UBR4: variants seen among roughly 807,000 people sequenced by gnomAD.
UBR4 encodes the protein ubiquitin protein ligase E3 component n-recognin 4.
In UBR4, 124 loss-of-function variants were observed where a neutral mutation model predicts 575.6. That is an observed-to-expected ratio of 0.22 (90% CI 0.19 to 0.25). The LOEUF (loss-of-function observed/expected upper bound fraction) is 0.25. Among genes scored for constraint, UBR4 ranks in the 10% least tolerant of loss-of-function variants. The pLI, the probability that UBR4 is intolerant of heterozygous loss-of-function variation, is 1.00. For missense variants in UBR4, 4,818 were observed against 6,478.8 expected, an observed-to-expected ratio of 0.74 and a Z score of 8.80; for synonymous variants, 2,455 against 2,473.7, an observed-to-expected ratio of 0.99 and a Z score of 0.22.
At chr1:19,114,765 C>T in intron 75 of UBR4, 46 bp downstream of exon 75, 1 of 1,608,920 alleles carries the variant, frequency 6.2e-7, no homozygotes, top group Non-Finnish European at 8.5e-7. Flanking sequence ...TGCCCAAAGT[C>T]CAGATCAAGG....
Position 19,184,113 on chromosome 1 carries a change from GT to G in UBR4, c.2000del (p.Asn667ThrfsTer8). ...CACTCAGATAGTTTCGGATAAAATT[GT>G]TCCGAGAGTTCAGCATGGAAGAGGT... Reference protein sequence around the residue: ...FITSSMLNSRNNFIRNYLSVS... With the variant: ...FITSSMLNSRXNFIRNYLSVS... On this transcript the variant is annotated frameshift_variant, in exon 16 of 106. Coordinates refer to ENST00000375254, the MANE Select transcript of UBR4 (RefSeq NM_020765.3). LOFTEE classifies it high-confidence loss of function. 6.2e-7 allele frequency: 1 copy of G among 1,614,192 alleles called. No homozygotes were observed. The highest frequency in any genetic ancestry group is 8.5e-7 in the Non-Finnish European group (1 of 1,180,042).
Position 19,077,757 on chromosome 1 carries a change from CAAACA to C in UBR4, c.15324+214_15324+218del, listed in dbSNP as rs905385465. ...TCAAAAAAACCAAACCAAACCAAAC[CAAACA>C]AAACCAAACAAAACAAATGTACCTC... On this transcript the variant is annotated intron_variant, in intron 104 of 105. Coordinates refer to ENST00000375254, the MANE Select transcript of UBR4 (RefSeq NM_020765.3). 17 of 1,465,406 alleles carry C rather than the reference CAAACA, an allele frequency of 1.2e-5. No individual in the cohort carries two copies. In the African/African-American group the frequency reaches 2.2e-4, roughly 19 times the overall value. The allele number at this position is 1,465,406 out of a possible 1,614,324, so 90.8% of individuals were successfully genotyped here.
At chr1:19,099,571 C>T (rs1334698225) in intron 90 of UBR4, 26 bp downstream of exon 90, 2 of 1,606,460 alleles carry the variant, frequency 1.2e-6, no homozygotes, top group Admixed American at 3.4e-5. Context: ...GAAACCACAC[C>T]TCCAAACGAG....
At chr1:19,082,526 A>G (rs140842117) in intron 102 of UBR4, among the ~76,000 whole-genome samples, 56 of 152,322 alleles carry the variant, frequency 3.7e-4, no homozygotes, top group Non-Finnish European at 6.8e-4. Flanking sequence ...GCTTCTGGGT[A>G]CACTCTCTCC....
At chr1:19,161,421 A>G (rs1361004528) in intron 37 of UBR4, among the ~76,000 whole-genome samples, 168 bp downstream of exon 37, 1 of 152,232 alleles carries the variant, frequency 6.6e-6, no homozygotes, top group Non-Finnish European at 1.5e-5. Context: ...TGGTTCTGAT[A>G]TTCTAAATGA....
chr1:19,113,348 C>T, intron 77 of UBR4: 1 of 310,346 alleles, frequency 3.2e-6, no homozygotes, highest in South Asian at 4.7e-5. Flanking sequence ...AGCCTGCAAA[C>T]ACGGCGTTAT....
intron 1 of UBR4, 55 bp from the exon 2 acceptor site, chr1:19,201,870 G>A (rs1332920529): frequency 6.8e-7 from 1 of 1,467,058 alleles, no homozygotes; most frequent in Non-Finnish European, 9.5e-7. Flanking sequence ...CTATGTGCCA[G>A]ATACCCCTTT....
chr1:19,201,505 C>A (rs759956445), intron 2 of UBR4, among the ~76,000 whole-genome samples: 6 of 152,170 alleles, frequency 3.9e-5, no homozygotes, highest in Non-Finnish European at 7.4e-5. Context: ...GGTGTCCAAG[C>A]CAAGTAGTTT....
At chr1:19,092,343 A>C (rs1216099927) in intron 97 of UBR4, among the ~76,000 whole-genome samples, 1 of 152,170 alleles carries the variant, frequency 6.6e-6, no homozygotes, top group Non-Finnish European at 1.5e-5. Flanking sequence ...ATTTAAAAAA[A>C]AAACCCAGCC....
In UBR4 at chr1:19,143,844, A is replaced by G. The variant is rs1432466997; in HGVS notation, c.8179+136T>C. ...ACCTAAATTCTTTATGGGGTGAGGTAGGATTAGAAAAAAGACAGATACATA... is the reference window on the plus strand; with the variant it reads ...ACCTAAATTCTTTATGGGGTGAGGTGGGATTAGAAAAAAGACAGATACATA... On this transcript the variant is annotated intron_variant, in intron 55 of 105. Transcript: ENST00000375254. The G allele has an allele frequency of 1.6e-5, 10 of 640,558 alleles. No homozygotes were observed. In the Admixed American group the frequency reaches 2.8e-4, roughly 18 times the overall value. The allele number at this position is 640,558 out of a possible 1,614,324, so 39.7% of individuals were successfully genotyped here.
At chr1:19,168,769 C>T (rs1011917610) in intron 27 of UBR4, among the ~76,000 whole-genome samples, 14 of 151,950 alleles carry the variant, frequency 9.2e-5, no homozygotes, top group Admixed American at 3.3e-4. Context: ...GGAGGTCAGG[C>T]GATCGAGACC....
Position 19,112,524 on chromosome 1 carries a change from C to A in UBR4, c.11801G>T (p.Arg3934Leu), listed in dbSNP as rs2080018654. Residue 3934 changes from arginine (R) to leucine (L), a missense_variant and splice_region_variant, in exon 78 of 106, where the codon CGA becomes CTA. This residue lies in a region of UBR4 where 333 missense variants were observed against 459.2 expected (regional missense o/e 0.73). Transcript: ENST00000375254. ...EVRQLMCLLT[R>L]DNPEATQQMN... ...CCATAACCATGGTGTAGGTACTGAC[C>A]GAGTTAGGAGGCACATGAGCTGGCG... is the stretch of plus-strand genomic sequence containing the variant. 2 of 1,606,248 alleles carry A rather than the reference C, an allele frequency of 1.2e-6. No homozygotes were observed. Among genetic ancestry groups the A allele is most frequent in the Non-Finnish European group, 8.5e-7 (1 of 1,175,838 alleles).
chr1:19,106,749 G>C (rs2079245255), intron 82 of UBR4, 23 bp from the exon 83 acceptor site: 3 of 1,597,600 alleles, frequency 1.9e-6, no homozygotes, highest in African/African-American at 1.3e-5. Context: ...GGGTTGCAGG[G>C]GTAGTAGGTA....
chr1:19,193,377 C>A, intron 9 of UBR4, 56 bp downstream of exon 9: 5 of 1,593,260 alleles, frequency 3.1e-6, no homozygotes, highest in Non-Finnish European at 4.3e-6. Context: ...GTGGAACTGG[C>A]CATACTCCCT....
chr1:19,130,588 T>G (rs182176174), intron 60 of UBR4, among the ~76,000 whole-genome samples: 1 of 152,290 alleles, frequency 6.6e-6, no homozygotes, highest in East Asian at 1.9e-4. Flanking sequence ...TAAAAAGAAC[T>G]CAAAGGAATG....
In UBR4 at chr1:19,150,544, A is replaced by G. The variant is rs1488753786; in HGVS notation, c.7430+33T>C. 4 of 1,608,744 alleles carry G rather than the reference A, an allele frequency of 2.5e-6. No individual in the cohort carries two copies. In the Admixed American group the frequency reaches 5.0e-5, roughly 20 times the overall value. ...GGTTCTGCAGTGAGTGGAATATGTA[A>G]AAACTGAAGCCAACCCCTGCCAGCA... On this transcript the variant is annotated intron_variant, in intron 49 of 105. Coordinates refer to ENST00000375254, the MANE Select transcript of UBR4 (RefSeq NM_020765.3).
In UBR4 at chr1:19,209,953, G is replaced by A. The variant is rs528128760; in HGVS notation, c.176+120C>T. On this transcript the variant is annotated intron_variant, in intron 1 of 105. Transcript: ENST00000375254. The stretch of plus-strand genomic sequence containing the variant: ...TCCCCGGGCCCGGGACCCCGAAGCC[G>A]TGGCTGTGGCGGGGATCCTCAAGGG... The A allele has an allele frequency of 4.8e-5, 64 of 1,338,212 alleles. No individual in the cohort carries two copies. In the African/African-American group the frequency reaches 8.1e-4, roughly 17 times the overall value. 82.9% of individuals were successfully genotyped at this position (1,338,212 alleles called of 1,614,324 possible).
intron 60 of UBR4, among the ~76,000 whole-genome samples, chr1:19,129,491 T>C (rs1363909920): frequency 6.6e-6 from 1 of 152,156 alleles, no homozygotes; most frequent in Non-Finnish European, 1.5e-5. Context: ...ATATACAAAT[T>C]CTATATCACC....
rs999072582 is a variant in UBR4, at chr1:19,093,233, T to C, written c.14111+80A>G. 2.6e-6 allele frequency: 4 copies of C among 1,544,120 alleles called. No individual in the cohort carries two copies. Among genetic ancestry groups the C allele is most frequent in the Non-Finnish European group, 3.5e-6 (4 of 1,138,804 alleles). ...AGGGCAAGGGGCACACGTGAAGCTT[T>C]ATGCCAAGATGCTGATGGAGAAGGA... On this transcript the variant is annotated intron_variant, in intron 96 of 105. Transcript: ENST00000375254. The surrounding 1 kb of genome is among the most constrained non-coding windows in gnomAD (Gnocchi z 4.8).
Sources: allele counts gnomAD v4.1 joint callset (sites outside exome capture counted in the v4.1 genomes callset), GRCh38; gene constraint gnomAD v4.1.1; regional missense constraint gnomAD v4.1.1; non-coding constraint Gnocchi (gnomAD v3.1); transcripts MANE v1.5; gene names NCBI Gene and HGNC (gene_info 2026-07-23, HGNC 2026-07-21).